TMEM120B: variants seen among roughly 807,000 people sequenced by gnomAD.
TMEM120B encodes transmembrane protein 120B.
Under a neutral mutation model 55.5 loss-of-function variants are expected in TMEM120B, and 31 were observed. The ratio of observed to expected loss-of-function variants is 0.56; its 90% CI spans 0.42 to 0.75. The LOEUF (loss-of-function observed/expected upper bound fraction) is 0.75, where lower values mean the gene tolerates loss of function less well. Among genes scored for constraint, TMEM120B ranks in the 30% least tolerant of loss-of-function variants. The pLI, the probability that TMEM120B is intolerant of heterozygous loss-of-function variation, is 0.00. For synonymous variants in TMEM120B, 203 were observed against 176.3 expected (o/e 1.15, Z -1.20); for missense variants, 399 against 425.5 (o/e 0.94, Z 0.55).
chr12:121,731,470 G>GT (rs1422472738), intron 1 of TMEM120B, among the ~76,000 whole-genome samples: 2 of 152,094 alleles, frequency 1.3e-5, no homozygotes, highest in African/African-American at 4.8e-5. Context: ...GGCCAGGCTG[G>GT]TTTCAAACTC....
At chr12:121,730,215 G>C (rs534114465) in intron 1 of TMEM120B, among the ~76,000 whole-genome samples, 4 of 151,160 alleles carry the variant, frequency 2.6e-5, no homozygotes, top group Non-Finnish European at 4.4e-5. Context: ...GCCAGGATTG[G>C]GCCGCTGCAC....
At chr12:121,746,963 AAAAAAG>A (rs1034002134) in intron 2 of TMEM120B, among the ~76,000 whole-genome samples, 2 of 152,068 alleles carry the variant, frequency 1.3e-5, no homozygotes, top group African/African-American at 4.8e-5. Flanking sequence ...GTCTCAAAAA[AAAAAAG>A]AAAAGAAAAG....
rs191815838 is a variant in TMEM120B, at chr12:121,779,537, C to G, written c.*3815C>G. On this transcript the variant is annotated 3_prime_UTR_variant, in exon 12 of 12. Coordinates refer to ENST00000449592, the MANE Select transcript of TMEM120B (RefSeq NM_001080825.2). ...AGAGCCGGCGCTTCTTCTGCCGTTG[C>G]GCCTTCTTCAGAGCGCTGAGAGCCA... 1 of 1,613,022 alleles carries G rather than the reference C, an allele frequency of 6.2e-7. No homozygotes were observed. The highest frequency in any genetic ancestry group is 1.7e-5 in the Admixed American group (1 of 60,022).
rs1894624367 is a variant in TMEM120B at position 121,712,827 on chromosome 12, G to A, written c.-69G>A. On this transcript the variant is annotated 5_prime_UTR_variant, in exon 1 of 12. Coordinates refer to ENST00000449592, the MANE Select transcript of TMEM120B (RefSeq NM_001080825.2). ...CGGTCGGCGAGCGCGCGGGCGTGGG[G>A]CGCTGGGGGGCCGGTCGGGCAGCGC... 4.1e-6 allele frequency: 5 copies of A among 1,230,266 alleles called. No homozygotes were observed. Among genetic ancestry groups the A allele is most frequent in the East Asian group, 6.6e-5 (2 of 30,332 alleles). 76.2% of individuals were successfully genotyped at this position (1,230,266 alleles called of 1,614,324 possible).
intron 1 of TMEM120B, among the ~76,000 whole-genome samples, chr12:121,726,406 C>T (rs570034218): frequency 1.0e-4 from 15 of 150,196 alleles, no homozygotes; most frequent in Non-Finnish European, 2.1e-4. Context: ...GGTGAAACCG[C>T]GTCTCTACTA....
intron 1 of TMEM120B, among the ~76,000 whole-genome samples, chr12:121,730,958 C>G (rs1399676643): frequency 7.5e-6 from 1 of 133,424 alleles, no homozygotes. Flanking sequence ...AACTCTGTCT[C>G]AAAAAAAAAA....
At chr12:121,724,880 G>A (rs1190612918) in intron 1 of TMEM120B, among the ~76,000 whole-genome samples, 1 of 152,138 alleles carries the variant, frequency 6.6e-6, no homozygotes, top group African/African-American at 2.4e-5. Flanking sequence ...AAAGTGCTGG[G>A]ATTACAGGTG....
chr12:121,727,052 G>T (rs777896227), intron 1 of TMEM120B, among the ~76,000 whole-genome samples: 3 of 151,168 alleles, frequency 2.0e-5, no homozygotes, highest in Non-Finnish European at 4.4e-5. Flanking sequence ...ACAAAAATTA[G>T]TCAGTTTCAT....
At chr12:121,755,321 G>C (rs968367515) in intron 5 of TMEM120B, among the ~76,000 whole-genome samples, 8 of 152,156 alleles carry the variant, frequency 5.3e-5, no homozygotes, top group Admixed American at 5.2e-4. Context: ...GGGCCTCTCT[G>C]TCTGTCTCCT....
intron 6 of TMEM120B, among the ~76,000 whole-genome samples, chr12:121,763,756 G>A (rs879286053): frequency 6.6e-4 from 100 of 151,990 alleles, no homozygotes; most frequent in Non-Finnish European, 1.2e-3. Flanking sequence ...GTGCCATTCC[G>A]GTTCCTGTTC....
chr12:121,779,381 G>A lies in TMEM120B; in HGVS notation c.*3659G>A, dbSNP rs958483960. On this transcript the variant is annotated 3_prime_UTR_variant, in exon 12 of 12. Transcript: ENST00000449592. ...AGTTCCAGAATGTTCCAAGAGTCTA[G>A]CCGCAGGCCCCAGACACCATGAGCT... The A allele has an allele frequency of 2.7e-6, 3 of 1,107,364 alleles. No individual in the cohort carries two copies. The highest frequency in any genetic ancestry group is 2.9e-4 in the Middle Eastern group (1 of 3,396). The allele number at this position is 1,107,364 out of a possible 1,614,324, so 68.6% of individuals were successfully genotyped here. A position where few individuals can be genotyped will look rare whatever the true frequency, so the allele number is the denominator to read the frequency against.
At chr12:121,716,300 C>A in intron 1 of TMEM120B, among the ~76,000 whole-genome samples, 1 of 146,316 alleles carries the variant, frequency 6.8e-6, no homozygotes, top group Non-Finnish European at 1.5e-5. Flanking sequence ...AGAGTTAGAC[C>A]CTCTCTCTCA....
intron 5 of TMEM120B, chr12:121,758,289 C>T (rs1873542857): frequency 5.1e-6 from 5 of 985,384 alleles, no homozygotes; most frequent in Non-Finnish European, 4.8e-6. Context: ...CAGTGGGGCT[C>T]TGATAATCCC....
Position 121,739,867 on chromosome 12 carries a change from C to T in TMEM120B, c.70-3762C>T, listed in dbSNP as rs183965717. Among the ~76,000 whole-genome samples, 489 of 149,026 alleles carry T rather than the reference C, an allele frequency of 3.3e-3. 4 individuals are homozygous for T. Among genetic ancestry groups the T allele is most frequent in the African/African-American group, 0.011 (451 of 40,232 alleles). ...GATCTCAGCTCACTGCAATCTCCCC[C>T]TCCCGGGTTGAAGCGATTCTCCTGC... On this transcript the variant is annotated intron_variant, in intron 1 of 11. Coordinates refer to ENST00000449592, the MANE Select transcript of TMEM120B (RefSeq NM_001080825.2).
In TMEM120B at chr12:121,775,209, C is replaced by G; in HGVS notation, c.906+79C>G. ...AGGGATGGGGTGTATGTGTGGCATG[C>G]TGGGGTGCGGATTCCTGGGGAGGGC... is the stretch of plus-strand genomic sequence containing the variant. On this transcript the variant is annotated intron_variant, in intron 11 of 11. Transcript: ENST00000449592. This position sits in a 1 kb window ranked among gnomAD's most constrained non-coding sequence, Gnocchi z 4.3. The G allele has an allele frequency of 1.8e-6, 2 of 1,123,812 alleles. No homozygotes were observed. Among genetic ancestry groups the G allele is most frequent in the South Asian group, 2.7e-5 (2 of 73,156 alleles). 69.6% of individuals were successfully genotyped at this position (1,123,812 alleles called of 1,614,324 possible). A position where few individuals can be genotyped will look rare whatever the true frequency, so the allele number is the denominator to read the frequency against.
chr12:121,732,147 A>G (rs894988460), intron 1 of TMEM120B, among the ~76,000 whole-genome samples: 1 of 152,220 alleles, frequency 6.6e-6, no homozygotes, highest in African/African-American at 2.4e-5. Context: ...AAAAGGAAAG[A>G]AAGAGTCTGG....
chr12:121,738,665 G>A (rs1872825749), intron 1 of TMEM120B, among the ~76,000 whole-genome samples: 1 of 152,180 alleles, frequency 6.6e-6, no homozygotes, highest in Non-Finnish European at 1.5e-5. Flanking sequence ...AATTACCAGT[G>A]GAAAGTTGGA....
intron 1 of TMEM120B, among the ~76,000 whole-genome samples, chr12:121,738,749 G>C (rs1343029626): frequency 1.3e-5 from 2 of 152,184 alleles, no homozygotes; most frequent in African/African-American, 4.8e-5. Context: ...TGGACACGGT[G>C]TCCCTACTGG....
At chr12:121,713,130 G>T (rs1894631040) in intron 1 of TMEM120B, among the ~76,000 whole-genome samples, 166 bp downstream of exon 1, 3 of 151,790 alleles carry the variant, frequency 2.0e-5, no homozygotes, top group African/African-American at 4.8e-5. Context: ...CCCATCACCC[G>T]GCGCTTCAGC....
Sources: allele counts gnomAD v4.1 joint callset (sites outside exome capture counted in the v4.1 genomes callset), GRCh38; gene constraint gnomAD v4.1.1; non-coding constraint Gnocchi (gnomAD v3.1); transcripts MANE v1.5; gene names NCBI Gene and HGNC (gene_info 2026-07-23, HGNC 2026-07-21).